SMOC2: variants seen among roughly 807,000 people sequenced by gnomAD.
SMOC2 encodes the protein SPARC related modular calcium binding 2.
A neutral mutation model predicts 61.4 loss-of-function variants in SMOC2; 39 were observed. The observed-to-expected ratio is 0.64, with a 90% CI of 0.49 to 0.83. The LOEUF is 0.83. SMOC2 is among the 40% of genes least tolerant of loss of function. The pLI, the probability that SMOC2 is intolerant of heterozygous loss-of-function variation, is 0.00. For synonymous variants in SMOC2, 247 were observed against 239.9 expected (o/e 1.03, Z -0.27); for missense variants, 556 against 592.9 (o/e 0.94, Z 0.65).
intron 4 of SMOC2, among the ~76,000 whole-genome samples, chr6:168,530,273 C>G (rs563611950): frequency 1.1e-4 from 17 of 152,200 alleles, no homozygotes; most frequent in Non-Finnish European, 2.4e-4. Context: ...CAGAGAAAGC[C>G]CTTGCCCCAA....
intron 9 of SMOC2, among the ~76,000 whole-genome samples, chr6:168,650,155 C>A (rs540780355): frequency 2.0e-5 from 3 of 152,162 alleles, no homozygotes; most frequent in Admixed American, 6.5e-5. Flanking sequence ...GTGGACTGTT[C>A]GTGCCAATGC....
At chr6:168,566,936 C>T (rs1378185794) in intron 7 of SMOC2, among the ~76,000 whole-genome samples, 7 of 152,174 alleles carry the variant, frequency 4.6e-5, no homozygotes, top group Non-Finnish European at 7.3e-5. Flanking sequence ...GAATGATACA[C>T]GGAAAATAGG....
At chr6:168,599,270 ACGC>A (rs1785431212) in intron 8 of SMOC2, among the ~76,000 whole-genome samples, 1 of 130,532 alleles carries the variant, frequency 7.7e-6, no homozygotes, top group Non-Finnish European at 1.6e-5. Flanking sequence ...ACACACACCC[ACGC>A]TCTCACACAC....
chr6:168,467,001 C>T (rs1292608321), intron 1 of SMOC2, among the ~76,000 whole-genome samples: 4 of 152,174 alleles, frequency 2.6e-5, no homozygotes, highest in Admixed American at 6.5e-5. Context: ...ATCCTGCGGT[C>T]GGGCGAAGGG....
intron 11 of SMOC2, 56 bp downstream of exon 11, chr6:168,653,284 G>A: frequency 6.4e-7 from 1 of 1,554,284 alleles, no homozygotes; most frequent in Non-Finnish European, 8.7e-7. Flanking sequence ...AGGCCTGGGA[G>A]GTCTGCTTCT....
chr6:168,663,218 C>T (rs1292710262), intron 11 of SMOC2, among the ~76,000 whole-genome samples: 1 of 152,160 alleles, frequency 6.6e-6, no homozygotes, highest in Non-Finnish European at 1.5e-5. Context: ...CATGGAGATG[C>T]AAGCGTGGAA....
chr6:168,499,355 A>G (rs1782671375), intron 1 of SMOC2, among the ~76,000 whole-genome samples: 1 of 152,210 alleles, frequency 6.6e-6, no homozygotes, highest in Non-Finnish European at 1.5e-5. Flanking sequence ...TTTTATTTTC[A>G]GATACTTCTC....
intron 1 of SMOC2, among the ~76,000 whole-genome samples, chr6:168,503,284 G>A (rs1782781077): frequency 6.7e-6 from 1 of 149,616 alleles, no homozygotes; most frequent in Non-Finnish European, 1.5e-5. Flanking sequence ...CAGCATGTTG[G>A]CCAGGCTGGT....
At chr6:168,496,932 A>G (rs987285330) in intron 1 of SMOC2, among the ~76,000 whole-genome samples, 1 of 152,240 alleles carries the variant, frequency 6.6e-6, no homozygotes, top group Non-Finnish European at 1.5e-5. Flanking sequence ...AGAGGGGAAC[A>G]GGAGCCTGAC....
chr6:168,519,182 C>T (rs1485535347), intron 2 of SMOC2, among the ~76,000 whole-genome samples: 18 of 145,928 alleles, frequency 1.2e-4, no homozygotes, highest in Admixed American at 6.8e-5. Context: ...TGTGAGTATG[C>T]GTGCATGTGT....
intron 9 of SMOC2, among the ~76,000 whole-genome samples, chr6:168,649,363 G>A (rs75372214): frequency 0.022 from 3,362 of 152,254 alleles, 122 homozygotes; most frequent in African/African-American, 0.077. Flanking sequence ...GTGCTCTCCA[G>A]GCTCAGAAGT....
chr6:168,562,569 A>T (rs1784445984), intron 7 of SMOC2, among the ~76,000 whole-genome samples: 1 of 152,058 alleles, frequency 6.6e-6, no homozygotes. Context: ...CTCTTTACAT[A>T]TGAAAAAATG....
chr6:168,628,763 C>G (rs1369475993), intron 9 of SMOC2, among the ~76,000 whole-genome samples: 1 of 152,260 alleles, frequency 6.6e-6, no homozygotes, highest in Non-Finnish European at 1.5e-5. Flanking sequence ...TCCGTAGATG[C>G]CTGCCTCTGA....
chr6:168,634,299 G>A (rs1291292886), intron 9 of SMOC2, among the ~76,000 whole-genome samples: 2 of 152,172 alleles, frequency 1.3e-5, no homozygotes, highest in Non-Finnish European at 1.5e-5. Flanking sequence ...AGATTGTTGG[G>A]TTATTGTGAG....
At chr6:168,534,466 T>C (rs565951641) in intron 4 of SMOC2, among the ~76,000 whole-genome samples, 1 of 152,380 alleles carries the variant, frequency 6.6e-6, no homozygotes, top group African/African-American at 2.4e-5. Context: ...CAGGTTCCCC[T>C]GCGTCCCGCC....
At chr6:168,530,650 C>G (rs61289386) in intron 4 of SMOC2, among the ~76,000 whole-genome samples, 4 of 114,636 alleles carry the variant, frequency 3.5e-5, no homozygotes, top group Non-Finnish European at 6.1e-5. Flanking sequence ...CCCCCCCCCC[C>G]GCCCCCACAC....
In SMOC2 at chr6:168,544,187, G is replaced by A. The variant is rs1006901092; in HGVS notation, c.511+515G>A. Among the ~76,000 whole-genome samples, 2 of 152,094 alleles carry A rather than the reference G, an allele frequency of 1.3e-5. No individual in the cohort carries two copies. The highest frequency in any genetic ancestry group is 4.8e-5 in the African/African-American group (2 of 41,410). ...CAGGTCCTGTTTCGGGGTCTGCGGG[G>A]TCTGTCACATGCCCACCATGACCCC... On this transcript the variant is annotated intron_variant, in intron 5 of 12. Transcript: ENST00000356284. The surrounding 1 kb of genome is among the most constrained non-coding windows in gnomAD (Gnocchi z 4.1).
chr6:168,470,707 A>G (rs1394461653), intron 1 of SMOC2, among the ~76,000 whole-genome samples: 1 of 152,066 alleles, frequency 6.6e-6, no homozygotes. Flanking sequence ...ATAAAAATTA[A>G]ATTAAATTAA....
At chr6:168,639,565 A>G (rs1218383551) in intron 9 of SMOC2, among the ~76,000 whole-genome samples, 1 of 152,174 alleles carries the variant, frequency 6.6e-6, no homozygotes, top group Non-Finnish European at 1.5e-5. Context: ...TTTTAACTAT[A>G]ATTTTTCTAT....
Sources: gnomAD v4.1 joint callset for allele counts (sites outside exome capture counted in the v4.1 genomes callset) on GRCh38, gnomAD v4.1.1 for gene constraint, Gnocchi (gnomAD v3.1) non-coding constraint, MANE v1.5 for transcripts, NCBI Gene and HGNC (gene_info 2026-07-23, HGNC 2026-07-21) for gene names.